Variants in LMO7 observed in about 807,000 individuals in gnomAD.
LMO7 encodes the protein LIM domain 7, also known as LIM domain only protein 7.
Under a neutral mutation model 206.5 loss-of-function variants are expected in LMO7, and 120 were observed. That is an observed-to-expected ratio of 0.58 (90% CI 0.50 to 0.68). LMO7 has a LOEUF of 0.68. Ranked by LOEUF, LMO7 falls within the 30% of genes least tolerant of loss-of-function variation. The probability of loss-of-function intolerance (pLI) is 0.00; values close to 1 mark genes in which losing one functional copy is unlikely to be tolerated. For missense variants in LMO7, 1,959 were observed against 1,957.9 expected (o/e 1.00, Z -0.01); for synonymous variants, 706 against 681.5 (o/e 1.04, Z -0.56).
At chr13:75,808,463 C>T (rs1376118856) in intron 10 of LMO7, among the ~76,000 whole-genome samples, 3 of 152,196 alleles carry the variant, frequency 2.0e-5, no homozygotes, top group Admixed American at 6.5e-5. Flanking sequence ...TTAAGCAGTA[C>T]TGTGGTACTA....
chr13:75,690,745 G>C (rs9573615), intron 1 of LMO7, among the ~76,000 whole-genome samples: 9,690 of 152,238 alleles, frequency 0.064, 621 homozygotes, highest in African/African-American at 0.16. Context: ...CTCTAGTTTG[G>C]TCACCCTTAG....
intron 3 of LMO7, among the ~76,000 whole-genome samples, chr13:75,737,772 T>TAAA (rs2045995353): frequency 1.7e-4 from 1 of 5,812 alleles, no homozygotes; most frequent in Admixed American, 3.2e-3. Context: ...AAAAATAAAA[T>TAAA]AAAATAAAAT....
chr13:75,629,270 T>G (rs906503794), intron 2 of LMO7, among the ~76,000 whole-genome samples: 1 of 152,180 alleles, frequency 6.6e-6, no homozygotes, highest in Admixed American at 6.5e-5. Flanking sequence ...TACATTAAGT[T>G]ATAGGTTTTA....
chr13:75,691,614 C>A (rs2041482230), intron 1 of LMO7, among the ~76,000 whole-genome samples: 1 of 150,694 alleles, frequency 6.6e-6, no homozygotes, highest in African/African-American at 2.4e-5. Flanking sequence ...GGCTTTGAAA[C>A]CCAGTCCTCT....
chr13:75,674,782 C>T (rs151319526), intron 1 of LMO7, among the ~76,000 whole-genome samples: 2 of 152,154 alleles, frequency 1.3e-5, no homozygotes, highest in East Asian at 3.9e-4. Flanking sequence ...TGGGTATTAG[C>T]CTAGTTTTTG....
intron 3 of LMO7, among the ~76,000 whole-genome samples, chr13:75,752,531 A>G (rs2047356881): frequency 6.6e-6 from 1 of 152,160 alleles, no homozygotes; most frequent in Admixed American, 6.5e-5. Context: ...CAGTGCATTC[A>G]TCACTGGAAC....
chr13:75,735,600 T>C (rs1419820335), intron 3 of LMO7, among the ~76,000 whole-genome samples: 1 of 151,760 alleles, frequency 6.6e-6, no homozygotes, highest in Non-Finnish European at 1.5e-5. Flanking sequence ...TAGCTGGGAC[T>C]ACAGGCGCGC....
intron 1 of LMO7, among the ~76,000 whole-genome samples, chr13:75,665,732 G>C (rs1188983127): frequency 6.6e-6 from 1 of 152,076 alleles, no homozygotes; most frequent in Non-Finnish European, 1.5e-5. Context: ...TCACCATGTT[G>C]GCCAGGCCAG....
At chr13:75,838,722 A>G (rs1393254108) in intron 20 of LMO7, among the ~76,000 whole-genome samples, 2 of 152,160 alleles carry the variant, frequency 1.3e-5, no homozygotes, top group Admixed American at 6.5e-5. Context: ...TTTGAAGTAA[A>G]TTCAAAGTAA....
At chr13:75,792,170 G>A (rs1187038180) in intron 4 of LMO7, among the ~76,000 whole-genome samples, 1 of 152,050 alleles carries the variant, frequency 6.6e-6, no homozygotes, top group African/African-American at 2.4e-5. Context: ...GTCTTGCTAT[G>A]TTTTCCAGGC....
chr13:75,712,605 CTTTT>C (rs758502894), intron 1 of LMO7, among the ~76,000 whole-genome samples: 1 of 152,168 alleles, frequency 6.6e-6, no homozygotes, highest in African/African-American at 2.4e-5. Context: ...ACCTCTCTTT[CTTTT>C]GTCTCTCTGC....
At chr13:75,722,365 C>G (rs1168940575) in intron 2 of LMO7, among the ~76,000 whole-genome samples, 1 of 151,780 alleles carries the variant, frequency 6.6e-6, no homozygotes, top group Non-Finnish European at 1.5e-5. Flanking sequence ...AAAAACAATC[C>G]CATCAAAAGT....
chr13:75,669,732 A>T (rs915305706), intron 1 of LMO7, among the ~76,000 whole-genome samples: 8 of 152,158 alleles, frequency 5.3e-5, no homozygotes, highest in Admixed American at 5.2e-4. Context: ...GCATGCATTC[A>T]TAGCTTTTGA....
rs1239562930 is a variant in LMO7, at chr13:75,823,616, C to T, written c.2692C>T (p.Pro898Ser). Residue 898 changes from proline to serine, a missense_variant, in exon 15 of 31, where the codon CCA becomes TCA. By Grantham distance (74) the Pro-to-Ser change is moderately conservative. Transcript: ENST00000377534. ...NGDVEDIKRT[P>S]NNVVSTPAPS... is the part of the protein sequence containing the mutation. Reference sequence around the variant, plus strand: ...AGATGTTGAAGACATTAAGAGAACTCCAAACAATGTGGTCAGCACCCCTGC... The same window carrying T: ...AGATGTTGAAGACATTAAGAGAACTTCAAACAATGTGGTCAGCACCCCTGC... 1 of 1,614,036 alleles carries T rather than the reference C, an allele frequency of 6.2e-7. No individual in the cohort carries two copies. Among genetic ancestry groups the T allele is most frequent in the South Asian group, 1.1e-5 (1 of 91,066 alleles).
intron 11 of LMO7, among the ~76,000 whole-genome samples, chr13:75,809,728 GA>G (rs970591263): frequency 6.7e-6 from 1 of 149,988 alleles, no homozygotes; most frequent in Non-Finnish European, 1.5e-5. Flanking sequence ...TCCTGATTAG[GA>G]AAAAAAAGTT....
chr13:75,838,422 TA>T, intron 20 of LMO7: 1 of 506,848 alleles, frequency 2.0e-6, no homozygotes, highest in Non-Finnish European at 3.1e-6. Flanking sequence ...TGTATACCTC[TA>T]AACATTTTAC....
chr13:75,728,360 TTC>T (rs2044701582), intron 3 of LMO7, among the ~76,000 whole-genome samples: 1 of 152,236 alleles, frequency 6.6e-6, no homozygotes. Context: ...TGATTTGCAT[TTC>T]TGTGATGGCC....
chr13:75,693,717 A>T (rs948476895), intron 1 of LMO7, among the ~76,000 whole-genome samples: 3 of 152,144 alleles, frequency 2.0e-5, no homozygotes, highest in Non-Finnish European at 2.9e-5. Context: ...CCCCCAGCGT[A>T]GGTGCCATCT....
intron 11 of LMO7, among the ~76,000 whole-genome samples, chr13:75,814,786 C>T (rs1221782577): frequency 6.6e-6 from 1 of 152,100 alleles, no homozygotes. Context: ...GAAGGAAACA[C>T]AGAGGGCACA....
Sources: allele counts gnomAD v4.1 joint callset (sites outside exome capture counted in the v4.1 genomes callset), GRCh38; gene constraint gnomAD v4.1.1; transcripts MANE v1.5; gene names NCBI Gene and HGNC (gene_info 2026-07-23, HGNC 2026-07-21).